FAM227A: variants seen among roughly 807,000 people sequenced by gnomAD.
The protein encoded by FAM227A is protein FAM227A.
Under a neutral mutation model 74.7 loss-of-function variants are expected in FAM227A, and 80 were observed. That is an observed-to-expected ratio of 1.07 (90% CI 0.89 to 1.29). The LOEUF (loss-of-function observed/expected upper bound fraction) is 1.29, where lower values mean the gene tolerates loss of function less well. Among genes scored for constraint, FAM227A ranks in the 50% most tolerant of loss-of-function variants. The pLI, the probability that FAM227A is intolerant of heterozygous loss-of-function variation, is 0.00. For missense variants in FAM227A, 654 were observed against 683.4 expected, an observed-to-expected ratio of 0.96 and a Z score of 0.48; for synonymous variants, 237 against 241.8, an observed-to-expected ratio of 0.98 and a Z score of 0.19.
chr22:38,634,043 A>G (rs1603028781), intron 6 of FAM227A, among the ~76,000 whole-genome samples: 1 of 150,174 alleles, frequency 6.7e-6, no homozygotes, highest in Non-Finnish European at 1.5e-5. Context: ...ACATGGGGAA[A>G]CCCTGTCTCT....
At chr22:38,619,916 G>GA (rs953504111) in intron 11 of FAM227A, among the ~76,000 whole-genome samples, 12 of 151,172 alleles carry the variant, frequency 7.9e-5, no homozygotes, top group African/African-American at 1.7e-4. Flanking sequence ...GATTAGTGGA[G>GA]AAAAAAAAAT....
intron 6 of FAM227A, among the ~76,000 whole-genome samples, chr22:38,630,694 T>C (rs1276030634): frequency 6.6e-6 from 1 of 152,202 alleles, no homozygotes; most frequent in Non-Finnish European, 1.5e-5. Context: ...CAAATATTTA[T>C]TGAGCACCTC....
intron 11 of FAM227A, among the ~76,000 whole-genome samples, chr22:38,613,231 T>TAAC (rs2091475603): frequency 1.4e-4 from 8 of 55,244 alleles, no homozygotes; most frequent in African/African-American, 6.1e-4. Context: ...ATATATATTA[T>TAAC]ATATATAATA....
intron 1 of FAM227A, among the ~76,000 whole-genome samples, chr22:38,652,321 G>T (rs1418806130): frequency 6.6e-6 from 1 of 152,084 alleles, no homozygotes; most frequent in African/African-American, 2.4e-5. Context: ...AGGCGCAGTG[G>T]CTCACACCTG....
chr22:38,597,127 C>T, intron 15 of FAM227A, 77 bp downstream of exon 15: 1 of 1,412,650 alleles, frequency 7.1e-7, no homozygotes, highest in South Asian at 1.3e-5. Flanking sequence ...CCCACCAACC[C>T]ATTTAAAAAT....
intron 15 of FAM227A, among the ~76,000 whole-genome samples, chr22:38,596,818 A>T (rs2091055214): frequency 6.6e-6 from 1 of 152,190 alleles, no homozygotes; most frequent in Non-Finnish European, 1.5e-5. Context: ...GTGGGAAAAA[A>T]TAGGTCTAAA....
intron 11 of FAM227A, among the ~76,000 whole-genome samples, chr22:38,611,034 T>G (rs370529452): frequency 2.0e-5 from 3 of 152,134 alleles, no homozygotes; most frequent in Non-Finnish European, 2.9e-5. Context: ...CACTCCAGCC[T>G]GGGTGACAGG....
chr22:38,638,915 A>C (rs1437958582), intron 4 of FAM227A, 93 bp from the exon 5 acceptor site: 2 of 768,710 alleles, frequency 2.6e-6, no homozygotes, highest in African/African-American at 3.6e-5. Flanking sequence ...ATTCCACTTG[A>C]GCTGCCAGAG....
intron 6 of FAM227A, among the ~76,000 whole-genome samples, chr22:38,634,279 T>C (rs192940790): frequency 1.8e-4 from 28 of 152,070 alleles, no homozygotes; most frequent in African/African-American, 6.3e-4. Flanking sequence ...ACTGATACTT[T>C]TCATTCAACA....
At chr22:38,604,261 A>G (rs1017361057) in intron 13 of FAM227A, among the ~76,000 whole-genome samples, 2 of 152,196 alleles carry the variant, frequency 1.3e-5, no homozygotes, top group East Asian at 3.8e-4. Flanking sequence ...CAGGAGGTGG[A>G]GGTTACAGTG....
intron 3 of FAM227A, 132 bp downstream of exon 3, chr22:38,645,431 A>T (rs1446672089): frequency 1.6e-6 from 1 of 611,560 alleles, no homozygotes; most frequent in African/African-American, 1.9e-5. Context: ...AAAAAAATTA[A>T]CTTTGAATAC....
rs762804834 is a variant in FAM227A, at chr22:38,651,195, CCTT to C, written c.-94-936_-94-934del. 5.3e-5 allele frequency among the ~76,000 whole-genome samples: 8 copies of C among 152,250 alleles called. No individual in the cohort carries two copies. The South Asian group carries it at 1.0e-3, about 20-fold the overall frequency. ...CGCCCAGGTGACATATCTGTGGAAACCTTCTCAAATAATTCCAAGCCATTAGCA... is the reference window on the plus strand; with the variant it reads ...CGCCCAGGTGACATATCTGTGGAAACCTCAAATAATTCCAAGCCATTAGCA... On this transcript the variant is annotated intron_variant, in intron 1 of 16. Transcript: ENST00000535113.
intron 1 of FAM227A, among the ~76,000 whole-genome samples, chr22:38,650,851 C>G (rs1249187873): frequency 3.9e-5 from 6 of 152,186 alleles, no homozygotes; most frequent in Non-Finnish European, 7.3e-5. Flanking sequence ...GAACCCATTA[C>G]TTCCATCTGT....
Position 38,615,694 on chromosome 22 carries a change from C to T in FAM227A, c.1038+4518G>A, listed in dbSNP as rs1043646011. On this transcript the variant is annotated intron_variant, in intron 11 of 16. Coordinates refer to ENST00000535113, the MANE Select transcript of FAM227A (RefSeq NM_001013647.2). ...TGTACGGCACTGCAAGTCAGGTGAGCGAGACTGGATTTTATTCCAAATGCA... is the reference window on the plus strand; with the variant it reads ...TGTACGGCACTGCAAGTCAGGTGAGTGAGACTGGATTTTATTCCAAATGCA... 1.2e-4 allele frequency among the ~76,000 whole-genome samples: 18 copies of T among 152,208 alleles called. 1 individual carries two copies. The South Asian group carries it at 2.7e-3, about 23-fold the overall frequency.
At chr22:38,616,284 G>A (rs955021366) in intron 11 of FAM227A, among the ~76,000 whole-genome samples, 1 of 152,348 alleles carries the variant, frequency 6.6e-6, no homozygotes, top group Admixed American at 6.5e-5. Context: ...GGGTCCCCGC[G>A]CTGTTGGCAA....
chr22:38,641,061 C>T (rs2092104278), intron 3 of FAM227A, among the ~76,000 whole-genome samples: 1 of 152,016 alleles, frequency 6.6e-6, no homozygotes, highest in Non-Finnish European at 1.5e-5. Flanking sequence ...CTGATCTTTA[C>T]CAATGTCATT....
rs536982725 is a variant in FAM227A, at chr22:38,587,781, A to G, written c.1639-1582T>C. ...AACTAGACAAAGAAATGACAAGAAA[A>G]GAAATTATAGACCACTCTTCCTTAA... On this transcript the variant is annotated intron_variant, in intron 16 of 16. Transcript: ENST00000535113. Among the ~76,000 whole-genome samples the G allele has an allele frequency of 5.4e-4, 83 of 152,352 alleles. 2 individuals are homozygous for G. The South Asian group carries it at 0.017, about 31-fold the overall frequency.
intron 13 of FAM227A, among the ~76,000 whole-genome samples, chr22:38,604,481 T>C (rs979018092): frequency 6.6e-6 from 1 of 152,086 alleles, no homozygotes; most frequent in Non-Finnish European, 1.5e-5. Flanking sequence ...CCTATTGATA[T>C]AAACTACCAT....
chr22:38,647,946 G>T (rs1321855038), intron 2 of FAM227A, among the ~76,000 whole-genome samples: 2 of 152,192 alleles, frequency 1.3e-5, no homozygotes, highest in Non-Finnish European at 2.9e-5. Context: ...ATTCTGATGG[G>T]ATCACACTTT....
Sources: allele counts gnomAD v4.1 joint callset (sites outside exome capture counted in the v4.1 genomes callset), GRCh38; gene constraint gnomAD v4.1.1; transcripts MANE v1.5; gene names NCBI Gene and HGNC (gene_info 2026-07-23, HGNC 2026-07-21).